The following TXNDC8 variants were observed in gnomAD, a reference collection of about 807,000 sequenced individuals.
TXNDC8 encodes thioredoxin domain-containing protein 8.
A neutral mutation model predicts 12.9 loss-of-function variants in TXNDC8; 15 were observed. The observed-to-expected ratio is 1.16, with a 90% CI of 0.78 to 1.79. The LOEUF is 1.79. Among genes scored for constraint, TXNDC8 ranks in the 40% most tolerant of loss-of-function variants. The probability of loss-of-function intolerance (pLI) is 0.00; values close to 1 mark genes in which losing one functional copy is unlikely to be tolerated. For missense variants in TXNDC8, 128 were observed against 113.2 expected, an observed-to-expected ratio of 1.13 and a Z score of -0.59; for synonymous variants, 40 against 35.4, an observed-to-expected ratio of 1.13 and a Z score of -0.46.
intron 2 of TXNDC8, among the ~76,000 whole-genome samples, chr9:110,330,168 T>C (rs570746675): frequency 1.3e-5 from 2 of 152,358 alleles, no homozygotes; most frequent in African/African-American, 4.8e-5. Flanking sequence ...TCATATCTCA[T>C]GTATTTCTAG....
chr9:110,304,157 T>C (rs1023789444), intron 4 of TXNDC8, among the ~76,000 whole-genome samples: 6 of 152,200 alleles, frequency 3.9e-5, no homozygotes, highest in African/African-American at 1.4e-4. Flanking sequence ...AAGATGGAAT[T>C]CAAAGATGGA....
chr9:110,302,235 A>G (rs997041183), downstream of TXNDC8, among the ~76,000 whole-genome samples: 2 of 151,946 alleles, frequency 1.3e-5, no homozygotes, highest in African/African-American at 2.4e-5. Flanking sequence ...TCCTGGGCTC[A>G]AGTGATCCTC....
chr9:110,322,320 A>T, intron 3 of TXNDC8: 1 of 954,064 alleles, frequency 1.0e-6, no homozygotes. Context: ...CTGGAATTAG[A>T]ATATGGAAGT....
chr9:110,329,146 A>T, intron 2 of TXNDC8, 86 bp downstream of exon 3: 2 of 1,120,522 alleles, frequency 1.8e-6, no homozygotes, highest in Non-Finnish European at 2.6e-6. Flanking sequence ...TAAATTGGTC[A>T]TGTATTAATA....
chr9:110,315,506 G>C (rs996319440), intron 3 of TXNDC8, among the ~76,000 whole-genome samples: 1 of 152,118 alleles, frequency 6.6e-6, no homozygotes, highest in African/African-American at 2.4e-5. Context: ...CCTCACAAAT[G>C]GACTTCCAAG....
chr9:110,301,590 A>G (rs1838271521), downstream of TXNDC8, among the ~76,000 whole-genome samples: 1 of 152,088 alleles, frequency 6.6e-6, no homozygotes, highest in Admixed American at 6.5e-5. Context: ...AGAGTTGTTC[A>G]GGAAGGAATA....
downstream of TXNDC8, among the ~76,000 whole-genome samples, chr9:110,303,034 A>C (rs1310050373): frequency 6.6e-6 from 1 of 152,002 alleles, no homozygotes; most frequent in Non-Finnish European, 1.5e-5. Context: ...ACTGCACTCC[A>C]GGCTGGGCAA....
chr9:110,321,694 GTTCACGGACACC>G (rs1315196212), intron 3 of TXNDC8, among the ~76,000 whole-genome samples: 1 of 146,300 alleles, frequency 6.8e-6, no homozygotes, highest in Non-Finnish European at 1.5e-5. Flanking sequence ...AACAGTGGAT[GTTCACGGACACC>G]TTCCTAGTCA....
In TXNDC8 at chr9:110,313,440, C is replaced by T. The variant is rs1467290450; in HGVS notation, c.196-8908G>A. ...CTTAGGCTGGACACAGTGGCTCACA[C>T]CTGTAATCTCAGCACTTTGGGAGGC... On this transcript the variant is annotated intron_variant, in intron 3 of 4. Coordinates refer to ENST00000423740, the MANE Select transcript of TXNDC8 (RefSeq NM_001286946.2). Among the ~76,000 whole-genome samples the T allele has an allele frequency of 2.6e-5, 4 of 152,134 alleles. No individual in the cohort carries two copies. In the East Asian group the frequency reaches 5.8e-4, roughly 22 times the overall value.
chr9:110,303,413 AG>A, downstream of TXNDC8: 1 of 1,270,976 alleles, frequency 7.9e-7, no homozygotes, highest in Non-Finnish European at 1.1e-6. Flanking sequence ...GCAAAGCATT[AG>A]GAGAGAGACC....
rs779402078 is a variant in TXNDC8, at chr9:110,334,319, T to C, written c.26A>G (p.Asn9Ser). 7 of 1,610,900 alleles carry C rather than the reference T, an allele frequency of 4.3e-6. No individual in the cohort carries two copies. In the Admixed American group the frequency reaches 5.0e-5, roughly 12 times the overall value. Residue 9 changes from asparagine to serine, a missense_variant and splice_region_variant, in exon 2 of 5, where the codon AAT becomes AGT. Transcript: ENST00000423740. ...AGCTGTCAAAAATGTTTTAAATTCA[T>C]TCTGAAAACAGAAAATAAATGAGGA...
intron 3 of TXNDC8, among the ~76,000 whole-genome samples, chr9:110,313,954 T>C (rs552405379): frequency 6.6e-6 from 1 of 152,276 alleles, no homozygotes; most frequent in South Asian, 2.1e-4. Flanking sequence ...TCTTCTAAAA[T>C]GATTTCTCCA....
chr9:110,308,671 A>T (rs549893085), intron 3 of TXNDC8, among the ~76,000 whole-genome samples: 1 of 144,664 alleles, frequency 6.9e-6, no homozygotes, highest in Admixed American at 7.0e-5. Flanking sequence ...TCCTGTCTTT[A>T]AAAAAAAAAA....
chr9:110,306,341 GA>G (rs1459880726), intron 3 of TXNDC8, among the ~76,000 whole-genome samples: 1 of 152,194 alleles, frequency 6.6e-6, no homozygotes, highest in Non-Finnish European at 1.5e-5. Context: ...GCTTTCACCT[GA>G]CTTTAGCAAT....
chr9:110,308,269 T>G (rs1486863130), intron 3 of TXNDC8, among the ~76,000 whole-genome samples: 1 of 152,164 alleles, frequency 6.6e-6, no homozygotes, highest in Non-Finnish European at 1.5e-5. Flanking sequence ...GCTTTCATGA[T>G]GATGGAAGGC....
chr9:110,329,289 A>C, intron 2 of TXNDC8: 2 of 1,604,578 alleles, frequency 1.2e-6, no homozygotes, highest in Non-Finnish European at 8.5e-7. Context: ...TCACAGACAT[A>C]GCCTTCAAAA....
chr9:110,326,535 G>A (rs1839324288), intron 2 of TXNDC8, among the ~76,000 whole-genome samples: 1 of 152,188 alleles, frequency 6.6e-6, no homozygotes, highest in Non-Finnish European at 1.5e-5. Context: ...ATAACAATAT[G>A]AGCTGCATTT....
intron 3 of TXNDC8, chr9:110,322,355 G>C: frequency 1.0e-6 from 1 of 984,522 alleles, no homozygotes; most frequent in Non-Finnish European, 1.2e-6. Context: ...GGTTTAATTT[G>C]TTTTCTAATA....
intron 3 of TXNDC8, among the ~76,000 whole-genome samples, chr9:110,317,190 T>G (rs76872268): frequency 0.014 from 2,173 of 152,320 alleles, 49 homozygotes; most frequent in African/African-American, 0.049. Context: ...AGAGGAGATG[T>G]CATTTTTCCC....
Sources: allele counts gnomAD v4.1 joint callset (sites outside exome capture counted in the v4.1 genomes callset), GRCh38; gene constraint gnomAD v4.1.1; transcripts MANE v1.5; gene names NCBI Gene and HGNC (gene_info 2026-07-23, HGNC 2026-07-21).